Variants in MAP2K1 observed in about 807,000 individuals in gnomAD.
MAP2K1 encodes mitogen-activated protein kinase kinase 1.
Under a neutral mutation model 46.3 loss-of-function variants are expected in MAP2K1, and 16 were observed. The ratio of observed to expected loss-of-function variants is 0.35; its 90% CI spans 0.23 to 0.52. The LOEUF (loss-of-function observed/expected upper bound fraction) is 0.52. Ranked by LOEUF, MAP2K1 falls within the 20% of genes least tolerant of loss-of-function variation. The pLI, the probability that MAP2K1 is intolerant of heterozygous loss-of-function variation, is 0.94. For missense variants in MAP2K1, 263 were observed against 497.1 expected (o/e 0.53, Z 4.48); for synonymous variants, 183 against 185.6 (o/e 0.99, Z 0.11).
Position 66,489,470 on chromosome 15 carries a change from G to GTTA in MAP2K1, c.1022+194_1022+195insTTA. The GTTA allele has an allele frequency of 4.4e-6, 3 of 674,324 alleles. No homozygotes were observed. The Admixed American group carries it at 7.1e-5, about 16-fold the overall frequency. 41.8% of individuals were successfully genotyped at this position (674,324 alleles called of 1,614,324 possible). On this transcript the variant is annotated intron_variant, in intron 9 of 10. Transcript: ENST00000307102. ...TATGTGGCATGTCTAACTACATCAT[G>GTTA]GATGTAGTAGCTGCTCCTTTTGGTA... is the stretch of plus-strand genomic sequence containing the variant.
chr15:66,390,012 T>C (rs2093353080), intron 1 of MAP2K1, among the ~76,000 whole-genome samples: 1 of 152,238 alleles, frequency 6.6e-6, no homozygotes, highest in South Asian at 2.1e-4. Context: ...AGCTGTTGGC[T>C]GCTGGTGCCT....
chr15:66,387,327 A>G lies in MAP2K1; in HGVS notation c.-21A>G. 6.5e-7 allele frequency: 1 copy of G among 1,544,828 alleles called. No homozygotes were observed. The highest frequency in any genetic ancestry group is 8.8e-7 in the Non-Finnish European group (1 of 1,140,120). On this transcript the variant is annotated 5_prime_UTR_variant, in exon 1 of 11. Coordinates refer to ENST00000307102, the MANE Select transcript of MAP2K1 (RefSeq NM_002755.4). ...GTGCTGCCCTCCCCCCGGAGTTGGA[A>G]GCGCGTTACCCGGGTCCAAAATGCC...
chr15:66,415,727 T>A (rs965819020), intron 1 of MAP2K1, among the ~76,000 whole-genome samples: 7 of 152,256 alleles, frequency 4.6e-5, no homozygotes, highest in African/African-American at 1.7e-4. Context: ...CTTTAGAATT[T>A]GCTGTTGCAG....
chr15:66,489,698 C>T lies in MAP2K1; in HGVS notation c.1023-20C>T, dbSNP rs200542677. The stretch of plus-strand genomic sequence containing the variant: ...ACCAGTGCCAGGCAACAGCTCTTAC[C>T]TTGTCTTTCTTCCTTTAAGCTTAAT... On this transcript the variant is annotated intron_variant, in intron 9 of 10. Coordinates refer to ENST00000307102, the MANE Select transcript of MAP2K1 (RefSeq NM_002755.4). 29 of 1,607,960 alleles carry T rather than the reference C, an allele frequency of 1.8e-5. No individual in the cohort carries two copies. The Middle Eastern group carries it at 5.0e-4, about 27-fold the overall frequency.
At chr15:66,437,229 C>T (rs1313856827) in intron 3 of MAP2K1, among the ~76,000 whole-genome samples, 1 of 152,178 alleles carries the variant, frequency 6.6e-6, no homozygotes, top group East Asian at 1.9e-4. Flanking sequence ...GTGTACAATG[C>T]TGTATGCTAG....
intron 1 of MAP2K1, among the ~76,000 whole-genome samples, chr15:66,401,626 A>G (rs1416736896): frequency 6.6e-6 from 1 of 152,104 alleles, no homozygotes; most frequent in Non-Finnish European, 1.5e-5. Flanking sequence ...TTTTAGGAGC[A>G]CAAGAAGGAG....
rs752935675 is a variant in MAP2K1 at position 66,420,706 on chromosome 15, CATATAT to C, written c.81-14310_81-14305del. On this transcript the variant is annotated intron_variant, in intron 1 of 10. Coordinates refer to ENST00000307102, the MANE Select transcript of MAP2K1 (RefSeq NM_002755.4). Reference sequence around the variant, plus strand: ...TTATTCCCCTAATACTTACTCTTGGCATATATATATATATATGTGTGTGTGTGTGTG... The same window carrying C: ...TTATTCCCCTAATACTTACTCTTGGCATATATATATGTGTGTGTGTGTGTG... 0.018 allele frequency among the ~76,000 whole-genome samples: 369 copies of C among 20,366 alleles called. 26 individuals carry two copies. In the Middle Eastern group the frequency reaches 0.22, roughly 12 times the overall value. 13.4% of individuals were successfully genotyped at this position (20,366 alleles called of 152,430 possible). A position where few individuals can be genotyped will look rare whatever the true frequency, so the allele number is the denominator to read the frequency against.
intron 5 of MAP2K1, among the ~76,000 whole-genome samples, chr15:66,445,707 AG>A (rs1439354229): frequency 5.3e-5 from 8 of 152,256 alleles, no homozygotes; most frequent in Non-Finnish European, 1.2e-4. Flanking sequence ...GCTGAGTGAA[AG>A]AAGGCAGATA....
chr15:66,426,135 GT>G (rs2093457833), intron 1 of MAP2K1, among the ~76,000 whole-genome samples: 1 of 72,004 alleles, frequency 1.4e-5, no homozygotes, highest in Non-Finnish European at 2.6e-5. Context: ...ATACGTAAGT[GT>G]TTTTTCTTTT....
intron 1 of MAP2K1, among the ~76,000 whole-genome samples, chr15:66,420,727 G>GTATATA (rs1240761467): frequency 1.7e-4 from 6 of 35,082 alleles, no homozygotes; most frequent in African/African-American, 6.2e-4. Flanking sequence ...ATATATGTGT[G>GTATATA]TGTGTGTGTG....
intron 5 of MAP2K1, among the ~76,000 whole-genome samples, chr15:66,472,370 T>C (rs529269759): frequency 6.6e-6 from 1 of 152,294 alleles, no homozygotes; most frequent in African/African-American, 2.4e-5. Context: ...TTGGCTTTCT[T>C]CTCTCGGGCC....
intron 5 of MAP2K1, among the ~76,000 whole-genome samples, chr15:66,471,093 A>T (rs1448370030): frequency 6.6e-6 from 1 of 152,132 alleles, no homozygotes; most frequent in Admixed American, 6.6e-5. Context: ...GAGCGGAGGG[A>T]TGGCTTTGAA....
chr15:66,402,261 T>C (rs1233100088), intron 1 of MAP2K1, among the ~76,000 whole-genome samples: 1 of 152,190 alleles, frequency 6.6e-6, no homozygotes, highest in Non-Finnish European at 1.5e-5. Context: ...TCTTCTAACC[T>C]TTTTCCCCCT....
At chr15:66,477,240 G>T (rs1248991799) in intron 5 of MAP2K1, among the ~76,000 whole-genome samples, 1 of 152,224 alleles carries the variant, frequency 6.6e-6, no homozygotes, top group Non-Finnish European at 1.5e-5. Context: ...AGGCTTGCTT[G>T]CCATGTGAAT....
intron 1 of MAP2K1, among the ~76,000 whole-genome samples, chr15:66,414,676 T>C (rs1293420201): frequency 6.6e-6 from 1 of 152,172 alleles, no homozygotes; most frequent in Non-Finnish European, 1.5e-5. Context: ...ACTGAATCTC[T>C]AGCCCTTTTA....
At chr15:66,481,716 G>T in intron 5 of MAP2K1, 39 bp from the exon 6 acceptor site, 2 of 1,607,482 alleles carry the variant, frequency 1.2e-6, no homozygotes, top group Non-Finnish European at 1.7e-6. Context: ...CAATCTACCT[G>T]TGTCAGTTCC....
chr15:66,463,682 C>T (rs1209973854), intron 5 of MAP2K1, among the ~76,000 whole-genome samples: 1 of 152,224 alleles, frequency 6.6e-6, no homozygotes, highest in African/African-American at 2.4e-5. Flanking sequence ...TGGGGTTTCA[C>T]CATGTTAGCC....
chr15:66,392,206 G>T (rs2093357434), intron 1 of MAP2K1, among the ~76,000 whole-genome samples: 1 of 141,352 alleles, frequency 7.1e-6, no homozygotes, highest in African/African-American at 2.6e-5. Context: ...GGAGGGCAGT[G>T]ACCTTTTTGG....
chr15:66,461,576 T>G (rs919410867), intron 5 of MAP2K1, among the ~76,000 whole-genome samples: 16 of 152,110 alleles, frequency 1.1e-4, no homozygotes, highest in Admixed American at 8.5e-4. Context: ...AGCATAAGGC[T>G]TGATAAGACC....
Sources: allele counts gnomAD v4.1 joint callset (sites outside exome capture counted in the v4.1 genomes callset), GRCh38; gene constraint gnomAD v4.1.1; transcripts MANE v1.5; gene names NCBI Gene and HGNC (gene_info 2026-07-23, HGNC 2026-07-21).